The following MYO5A variants were observed in gnomAD, a reference collection of about 807,000 sequenced individuals.
MYO5A encodes the protein myosin VA.
MYO5A carries 98 observed loss-of-function variants against 249.7 expected under a neutral mutation model. That is an observed-to-expected ratio of 0.39 (90% CI 0.33 to 0.46). MYO5A has a LOEUF of 0.46. MYO5A is among the 20% of genes least tolerant of loss of function. The pLI is 0.98. For missense variants in MYO5A, 1,696 were observed against 2,308.8 expected, an observed-to-expected ratio of 0.73 and a Z score of 5.44; for synonymous variants, 778 against 810.6, an observed-to-expected ratio of 0.96 and a Z score of 0.68.
chr15:52,328,033 T>C, intron 35 of MYO5A, 27 bp from the exon 36 acceptor site: 4 of 1,583,370 alleles, frequency 2.5e-6, no homozygotes, highest in Middle Eastern at 1.7e-4. Flanking sequence ...AATAATTTTA[T>C]ATAACATGGA....
intron 1 of MYO5A, among the ~76,000 whole-genome samples, chr15:52,447,085 G>T (rs1669866): frequency 0.25 from 38,663 of 152,052 alleles, 5,985 homozygotes; most frequent in East Asian, 0.68. Flanking sequence ...ATGAGATTTG[G>T]AAGGGGTCAG....
At chr15:52,335,946 T>C (rs940479635) in intron 34 of MYO5A, among the ~76,000 whole-genome samples, 1 of 152,128 alleles carries the variant, frequency 6.6e-6, no homozygotes, top group Non-Finnish European at 1.5e-5. Flanking sequence ...ATTAGGTTGA[T>C]GCAAAGGCAT....
chr15:52,416,918 T>C (rs1448068150), intron 4 of MYO5A, among the ~76,000 whole-genome samples: 1 of 152,224 alleles, frequency 6.6e-6, no homozygotes, highest in African/African-American at 2.4e-5. Context: ...TGGATTTTCT[T>C]ACATACAACT....
chr15:52,397,225 A>T lies in MYO5A; in HGVS notation c.1295T>A (p.Phe432Tyr). ...CCCGTAAATGTCTAGCACACCAATA[A>T]AAGAGTGCTGTTTGACAGCAGAATG... ...ALHSAVKQHSFIGVLDIYGFE... is the reference protein window; with the variant it reads ...ALHSAVKQHSYIGVLDIYGFE... Residue 432 changes from phenylalanine (F) to tyrosine (Y), a missense_variant, in exon 10 of 42, where the codon TTT (phenylalanine) becomes TAT (tyrosine). By Grantham distance (22) the Phe-to-Tyr change is conservative. Transcript: ENST00000399233. 1 of 1,614,090 alleles carries T rather than the reference A, an allele frequency of 6.2e-7. No homozygotes were observed.
At chr15:52,316,340 C>A (rs962448679) in intron 40 of MYO5A, among the ~76,000 whole-genome samples, 5 of 151,786 alleles carry the variant, frequency 3.3e-5, no homozygotes, top group African/African-American at 1.2e-4. Context: ...TTGCTTCATG[C>A]TGTCACTATA....
At chr15:52,456,419 C>T (rs1416840459) in intron 1 of MYO5A, among the ~76,000 whole-genome samples, 2 of 151,856 alleles carry the variant, frequency 1.3e-5, no homozygotes, top group Admixed American at 1.3e-4. Flanking sequence ...CAATGCAATC[C>T]ATTTCAAAAA....
intron 40 of MYO5A, 109 bp from the exon 41 acceptor site, chr15:52,314,312 CAG>C (rs2037888009): frequency 1.2e-6 from 1 of 812,114 alleles, no homozygotes; most frequent in Non-Finnish European, 2.1e-6. Flanking sequence ...CAGTTCTACT[CAG>C]GGGTGGGCTG....
At chr15:52,467,271 T>C (rs1413093589) in intron 1 of MYO5A, among the ~76,000 whole-genome samples, 1 of 152,138 alleles carries the variant, frequency 6.6e-6, no homozygotes, top group African/African-American at 2.4e-5. Context: ...TGCAAACTAA[T>C]ATAAAGAAAA....
chr15:52,327,895 G>A lies in MYO5A; in HGVS notation c.4667C>T (p.Ser1556Leu). The change falls in exon 36 of 42, where the codon TCG becomes TTG. Residue 1556 changes from serine (S) to leucine (L), a missense_variant. Ser to Leu is a moderately radical substitution (Grantham distance 145). Around this residue, in one of 5 missense-constraint regions of MYO5A, gnomAD observed 625 missense variants for 908.1 expected, o/e 0.69. Coordinates refer to ENST00000399233, the MANE Select transcript of MYO5A (RefSeq NM_001382347.1). ...DYLNDDQKVR[S>L]LLTSTINSIK... ...GCTGTTAATTGTTGATGTTAGCAAC[G>A]ACCTTACTTTCTGATCATCATTCAG... is the stretch of plus-strand genomic sequence containing the variant. 6.2e-7 allele frequency: 1 copy of A among 1,613,786 alleles called. No individual in the cohort carries two copies. Among genetic ancestry groups the A allele is most frequent in the Non-Finnish European group, 8.5e-7 (1 of 1,179,788 alleles).
chr15:52,433,413 C>CTTTTTTTTTTTT (rs151276395), intron 1 of MYO5A, 128 bp from the exon 2 acceptor site: 1 of 223,900 alleles, frequency 4.5e-6, no homozygotes, highest in Non-Finnish European at 8.2e-6. Flanking sequence ...ATGAAATTCA[C>CTTTTTTTTTTTT]TTTTTTTTTT....
At chr15:52,408,993 A>T (rs1358235896) in intron 6 of MYO5A, among the ~76,000 whole-genome samples, 1 of 152,182 alleles carries the variant, frequency 6.6e-6, no homozygotes, top group Non-Finnish European at 1.5e-5. Flanking sequence ...AAAGCCTGTG[A>T]GTCTGCAGAA....
At position 52,397,409 on chromosome 15, in the gene MYO5A, T is replaced by G; in HGVS notation, c.1111A>C (p.Met371Leu). The G allele has an allele frequency of 6.2e-7, 1 of 1,613,972 alleles. No homozygotes were observed. The highest frequency in any genetic ancestry group is 8.5e-7 in the Non-Finnish European group (1 of 1,179,908). The change falls in exon 10 of 42, where the codon ATG becomes CTG. Residue 371 changes from methionine to leucine, a missense_variant. By Grantham distance (15) the Met-to-Leu change is conservative. Coordinates refer to ENST00000399233, the MANE Select transcript of MYO5A (RefSeq NM_001382347.1). ...TTCCGATGGCAGAGCCAGTGACACA[T>G]CTCCTCATAGTCCACACCCATGAGT... is the stretch of plus-strand genomic sequence containing the variant. ...CELMGVDYEE[M>L]CHWLCHRKLA...
intron 1 of MYO5A, 128 bp from the exon 2 acceptor site, chr15:52,433,413 C>CTTTTTTT (rs151276395): frequency 4.7e-5 from 13 of 275,884 alleles, no homozygotes; most frequent in South Asian, 8.4e-5. Context: ...ATGAAATTCA[C>CTTTTTTT]TTTTTTTTTT....
chr15:52,372,722 TTTC>T (rs2041191623), intron 20 of MYO5A, among the ~76,000 whole-genome samples: 1 of 152,050 alleles, frequency 6.6e-6, no homozygotes, highest in African/African-American at 2.4e-5. Flanking sequence ...ATACATTAGG[TTTC>T]TTATTAGTAT....
At chr15:52,520,086 C>T (rs75716652) in intron 1 of MYO5A, among the ~76,000 whole-genome samples, 2,474 of 152,222 alleles carry the variant, frequency 0.016, 76 homozygotes, top group African/African-American at 0.057. Flanking sequence ...CTAATGTCCC[C>T]GGTCAAGCAA....
chr15:52,363,141 T>C (rs897834588), intron 24 of MYO5A, among the ~76,000 whole-genome samples: 2 of 152,168 alleles, frequency 1.3e-5, no homozygotes, highest in African/African-American at 2.4e-5. Context: ...AGATTAACCA[T>C]AAATGTTGGC....
intron 1 of MYO5A, among the ~76,000 whole-genome samples, chr15:52,443,912 G>T (rs1264732901): frequency 6.6e-6 from 1 of 151,830 alleles, no homozygotes; most frequent in African/African-American, 2.4e-5. Flanking sequence ...GAACCTGAGA[G>T]GCGGAGGTTG....
intron 1 of MYO5A, among the ~76,000 whole-genome samples, chr15:52,479,053 T>C (rs2076660047): frequency 6.6e-6 from 1 of 152,118 alleles, no homozygotes; most frequent in Admixed American, 6.5e-5. Context: ...TGGAGTGCAG[T>C]GGCGTGATCT....
chr15:52,425,759 A>G (rs2075381097), intron 4 of MYO5A, 71 bp downstream of exon 4: 1 of 1,546,460 alleles, frequency 6.5e-7, no homozygotes, highest in Non-Finnish European at 8.9e-7. Flanking sequence ...TTTAAAATAT[A>G]TGTGACTTAG....
Sources: allele counts gnomAD v4.1 joint callset (sites outside exome capture counted in the v4.1 genomes callset), GRCh38; gene constraint gnomAD v4.1.1; regional missense constraint gnomAD v4.1.1; transcripts MANE v1.5; gene names NCBI Gene and HGNC (gene_info 2026-07-23, HGNC 2026-07-21).